Variants in XRCC4 observed in about 807,000 individuals in gnomAD.
XRCC4 encodes DNA repair protein XRCC4.
Under a neutral mutation model 39.1 loss-of-function variants are expected in XRCC4, and 28 were observed. That is an observed-to-expected ratio of 0.72 (90% CI 0.53 to 0.98). The LOEUF (loss-of-function observed/expected upper bound fraction) is 0.98, where lower values mean the gene tolerates loss of function less well. XRCC4 is among the 50% of genes least tolerant of loss of function. The probability of loss-of-function intolerance (pLI) is 0.00; values close to 1 mark genes in which losing one functional copy is unlikely to be tolerated. For missense variants in XRCC4, 350 were observed against 376.4 expected (o/e 0.93, Z 0.58); for synonymous variants, 123 against 126.4 (o/e 0.97, Z 0.18).
At chr5:83,306,169 A>C (rs943241029) in intron 7 of XRCC4, among the ~76,000 whole-genome samples, 2 of 152,010 alleles carry the variant, frequency 1.3e-5, no homozygotes, top group African/African-American at 2.4e-5. Flanking sequence ...CTCATCAAGT[A>C]GTTATGATAC....
chr5:83,305,445 G>A (rs1057462549), intron 7 of XRCC4, among the ~76,000 whole-genome samples: 1 of 152,042 alleles, frequency 6.6e-6, no homozygotes, highest in African/African-American at 2.4e-5. Context: ...GAGCCTTTAA[G>A]ATGTATAATT....
At chr5:83,363,089 A>G in the XRCC4 span, among the ~76,000 whole-genome samples, 20 of 152,170 alleles carry the variant, frequency 1.3e-4, no homozygotes, top group Admixed American at 1.2e-3. Flanking sequence ...TGTAAGAGAG[A>G]TGTGCCCAGG....
chr5:83,167,128 C>T (rs190566405), intron 3 of XRCC4, among the ~76,000 whole-genome samples: 117 of 152,236 alleles, frequency 7.7e-4, no homozygotes, highest in African/African-American at 2.5e-3. Flanking sequence ...GTGATTCACG[C>T]GCCTTGGCCT....
rs530048950 is a variant in XRCC4 at position 83,240,915 on chromosome 5, C to G, written c.746-17615C>G. On this transcript the variant is annotated intron_variant, in intron 6 of 7. Coordinates refer to ENST00000396027, the MANE Select transcript of XRCC4 (RefSeq NM_003401.5). Reference sequence around the variant, plus strand: ...GACATCTTGCGAATGTCCCACTGCACTTTGTAAAAGTGATTCATTCACTGA... The same window carrying G: ...GACATCTTGCGAATGTCCCACTGCAGTTTGTAAAAGTGATTCATTCACTGA... 5.9e-5 allele frequency among the ~76,000 whole-genome samples: 9 copies of G among 152,252 alleles called. No homozygotes were observed. In the South Asian group the frequency reaches 1.9e-3, roughly 32 times the overall value.
chr5:83,301,795 GC>G (rs1755293553), intron 7 of XRCC4, among the ~76,000 whole-genome samples: 1 of 152,088 alleles, frequency 6.6e-6, no homozygotes. Context: ...TCTGAATATG[GC>G]TGGCCAGTTT....
At chr5:83,209,948 A>G (rs554673695) in intron 6 of XRCC4, among the ~76,000 whole-genome samples, 1 of 152,238 alleles carries the variant, frequency 6.6e-6, no homozygotes, top group South Asian at 2.1e-4. Flanking sequence ...CTTCTTAACC[A>G]ACAGGAAGGT....
intron 3 of XRCC4, among the ~76,000 whole-genome samples, chr5:83,139,467 G>T (rs993972497): frequency 3.3e-5 from 5 of 152,144 alleles, no homozygotes; most frequent in African/African-American, 1.2e-4. Flanking sequence ...TAAGTATCTT[G>T]TGAAGAGATA....
intron 6 of XRCC4, among the ~76,000 whole-genome samples, chr5:83,225,941 A>G (rs1387702023): frequency 2.6e-5 from 4 of 151,912 alleles, no homozygotes; most frequent in African/African-American, 9.7e-5. Context: ...CTGCTCTCAG[A>G]GCTAGTAGGT....
intron 7 of XRCC4, among the ~76,000 whole-genome samples, chr5:83,351,377 A>G (rs1757078465): frequency 6.6e-6 from 1 of 152,168 alleles, no homozygotes; most frequent in Non-Finnish European, 1.5e-5. Flanking sequence ...TGCACCATTT[A>G]TTGTATTCAC....
intron 1 of XRCC4, among the ~76,000 whole-genome samples, chr5:83,102,450 A>T (rs936617735): frequency 6.6e-6 from 1 of 152,118 alleles, no homozygotes; most frequent in Non-Finnish European, 1.5e-5. Context: ...AAGGACAAGT[A>T]TTTGTGGAAA....
At chr5:83,281,477 G>A (rs1489092639) in intron 7 of XRCC4, among the ~76,000 whole-genome samples, 2 of 151,414 alleles carry the variant, frequency 1.3e-5, no homozygotes, top group East Asian at 1.9e-4. Flanking sequence ...ATATGTGTTC[G>A]GTCGAGTTTG....
At chr5:83,352,341 A>G (rs1580541991) in intron 7 of XRCC4, among the ~76,000 whole-genome samples, 1 of 152,332 alleles carries the variant, frequency 6.6e-6, no homozygotes, top group East Asian at 1.9e-4. Flanking sequence ...TACTTTATTA[A>G]GGTTCCATAG....
intron 7 of XRCC4, among the ~76,000 whole-genome samples, chr5:83,297,696 G>A (rs1313864219): frequency 6.6e-6 from 1 of 151,910 alleles, no homozygotes; most frequent in Admixed American, 6.6e-5. Context: ...TGTGACTTAA[G>A]TATAATAGTA....
At chr5:83,285,163 G>C (rs933766051) in intron 7 of XRCC4, among the ~76,000 whole-genome samples, 1 of 152,028 alleles carries the variant, frequency 6.6e-6, no homozygotes, top group Non-Finnish European at 1.5e-5. Flanking sequence ...GCAAGTTGCA[G>C]AATTGTACAT....
Position 83,125,779 on chromosome 5 carries a change from T to A in XRCC4, c.315+14576T>A, listed in dbSNP as rs550341910. 8.6e-4 allele frequency among the ~76,000 whole-genome samples: 131 copies of A among 152,236 alleles called. No individual in the cohort carries two copies. The Middle Eastern group carries it at 0.01, about 12-fold the overall frequency. Reference sequence around the variant, plus strand: ...GGGTGGATCACCTGAGGTCAGGAGTTCACAACCAGTCTGAATAACATGGTG... The same window carrying A: ...GGGTGGATCACCTGAGGTCAGGAGTACACAACCAGTCTGAATAACATGGTG... On this transcript the variant is annotated intron_variant, in intron 3 of 7. Transcript: ENST00000396027.
At chr5:83,104,468 T>G (rs1746098135) in intron 1 of XRCC4, among the ~76,000 whole-genome samples, 1 of 152,098 alleles carries the variant, frequency 6.6e-6, no homozygotes, top group South Asian at 2.1e-4. Context: ...CTCAGCATAT[T>G]GTTGAGATGA....
chr5:83,183,015 A>T (rs1052079553), intron 3 of XRCC4, among the ~76,000 whole-genome samples: 1 of 152,200 alleles, frequency 6.6e-6, no homozygotes, highest in Non-Finnish European at 1.5e-5. Flanking sequence ...TTGTCACACT[A>T]ATGGAACATA....
chr5:83,270,694 C>T (rs1754110529), intron 7 of XRCC4, among the ~76,000 whole-genome samples: 2 of 151,892 alleles, frequency 1.3e-5, no homozygotes, highest in Non-Finnish European at 2.9e-5. Flanking sequence ...CCATAGGTTA[C>T]ATGCTCTGAA....
chr5:83,157,843 A>G (rs1580306746), intron 3 of XRCC4, among the ~76,000 whole-genome samples: 1 of 152,234 alleles, frequency 6.6e-6, no homozygotes, highest in East Asian at 1.9e-4. Flanking sequence ...GGAAAATGAT[A>G]GAGAAGTTAA....
Sources: allele counts gnomAD v4.1 joint callset (sites outside exome capture counted in the v4.1 genomes callset), GRCh38; gene constraint gnomAD v4.1.1; transcripts MANE v1.5; gene names NCBI Gene and HGNC (gene_info 2026-07-23, HGNC 2026-07-21).